Variants in GPC3 observed in about 807,000 individuals in gnomAD.
GPC3 encodes the protein glypican 3, also known as glypican-3.
Under a neutral mutation model 34.4 loss-of-function variants are expected in GPC3, and 3 were observed. That is an observed-to-expected ratio of 0.09 (90% CI 0.04 to 0.23). The LOEUF (loss-of-function observed/expected upper bound fraction) is 0.23, where lower values mean the gene tolerates loss of function less well. GPC3 is among the 10% of genes least tolerant of loss of function. The pLI is 1.00. For synonymous variants in GPC3, 177 were observed against 174.0 expected, an observed-to-expected ratio of 1.02 and a Z score of -0.13; for missense variants, 351 against 445.6, an observed-to-expected ratio of 0.79 and a Z score of 1.91.
At chrX:133,653,624 C>T (rs1379485265) in intron 6 of GPC3, among the ~76,000 whole-genome samples, 2 of 111,593 alleles carry the variant, frequency 1.8e-5, no homozygotes, top group Non-Finnish European at 3.8e-5. Context: ...GCAGAGACCT[C>T]CCCACCCGGT....
intron 2 of GPC3, among the ~76,000 whole-genome samples, chrX:133,884,454 T>G (rs2124585132): frequency 8.9e-6 from 1 of 111,881 alleles, no homozygotes; most frequent in South Asian, 3.7e-4. Context: ...GGTGGTAATA[T>G]TAACTTGTCA....
At chrX:133,868,957 A>G in intron 2 of GPC3, among the ~76,000 whole-genome samples, 1 of 112,344 alleles carries the variant, frequency 8.9e-6, no homozygotes, top group Non-Finnish European at 1.9e-5. Flanking sequence ...AAGGGAACAG[A>G]CAAGGTTTAA....
chrX:133,788,096 A>ATATATATT (rs2072122177), intron 2 of GPC3, among the ~76,000 whole-genome samples: 1 of 79,896 alleles, frequency 1.3e-5, no homozygotes, highest in South Asian at 6.1e-4. Context: ...TTTTATATAT[A>ATATATATT]TATATATATA....
chrX:133,610,475 T>C (rs911966041), intron 6 of GPC3, among the ~76,000 whole-genome samples: 1 of 110,885 alleles, frequency 9.0e-6, no homozygotes, highest in Non-Finnish European at 1.9e-5. Flanking sequence ...AGTTCTAACG[T>C]GGGCTTCTCC....
intron 7 of GPC3, among the ~76,000 whole-genome samples, chrX:133,552,316 C>T (rs948616095): frequency 8.9e-6 from 1 of 112,142 alleles, no homozygotes; most frequent in Non-Finnish European, 1.9e-5. Context: ...GTGACCTTTG[C>T]TTTGACACAG....
chrX:133,655,484 A>C (rs946484642), intron 6 of GPC3, among the ~76,000 whole-genome samples: 5 of 107,645 alleles, frequency 4.6e-5, no homozygotes, highest in Middle Eastern at 4.8e-3. Flanking sequence ...ACCCACACAC[A>C]CACACACACA....
intron 2 of GPC3, among the ~76,000 whole-genome samples, chrX:133,922,419 G>A (rs2076253668): frequency 9.0e-6 from 1 of 111,532 alleles, no homozygotes; most frequent in African/African-American, 3.3e-5. Context: ...AAGTCCTTGG[G>A]CCTTTGGGAA....
At chrX:133,966,536 C>T (rs1388310957) in intron 1 of GPC3, among the ~76,000 whole-genome samples, 3 of 112,072 alleles carry the variant, frequency 2.7e-5, no homozygotes, top group Non-Finnish European at 1.9e-5. Context: ...ACATTCTCGG[C>T]CACTGTAAAT....
intron 1 of GPC3, among the ~76,000 whole-genome samples, chrX:133,975,208 T>C (rs928632041): frequency 8.9e-6 from 1 of 111,923 alleles, no homozygotes; most frequent in Non-Finnish European, 1.9e-5. Flanking sequence ...TCTCCAGTCA[T>C]CCTCCAACTG....
At chrX:133,899,608 T>C (rs2076135166) in intron 2 of GPC3, among the ~76,000 whole-genome samples, 1 of 111,038 alleles carries the variant, frequency 9.0e-6, no homozygotes, top group South Asian at 3.9e-4. Context: ...CATTATTGTA[T>C]GTAAACTCTG....
intron 7 of GPC3, among the ~76,000 whole-genome samples, chrX:133,570,305 G>A (rs2069616531): frequency 9.0e-6 from 1 of 110,602 alleles, no homozygotes. Flanking sequence ...AGGTTCAAGC[G>A]AGTCTCCTGC....
At chrX:133,709,453 C>T (rs1199080951) in intron 3 of GPC3, among the ~76,000 whole-genome samples, 1 of 111,629 alleles carries the variant, frequency 9.0e-6, no homozygotes, top group Non-Finnish European at 1.9e-5. Context: ...TCTCTTGAAT[C>T]ATCTATCATA....
At chrX:133,920,004 T>TA (rs3216449) in intron 2 of GPC3, among the ~76,000 whole-genome samples, 57 of 102,266 alleles carry the variant, frequency 5.6e-4, no homozygotes, top group Middle Eastern at 4.9e-3. Context: ...TACTAAAAAT[T>TA]AAAAAAAAAA....
intron 2 of GPC3, among the ~76,000 whole-genome samples, chrX:133,829,266 T>G (rs1219257457): frequency 8.9e-6 from 1 of 112,141 alleles, no homozygotes; most frequent in African/African-American, 3.2e-5. Flanking sequence ...ATCAAAAAGA[T>G]ATAACAATTA....
intron 2 of GPC3, among the ~76,000 whole-genome samples, chrX:133,872,580 C>A (rs747826427): frequency 1.8e-5 from 2 of 111,259 alleles, no homozygotes; most frequent in African/African-American, 6.5e-5. Context: ...TTTGGTGGAA[C>A]CTTGAGAGGG....
intron 2 of GPC3, among the ~76,000 whole-genome samples, chrX:133,867,516 C>T (rs1254800263): frequency 9.1e-6 from 1 of 109,833 alleles, no homozygotes; most frequent in Non-Finnish European, 1.9e-5. Flanking sequence ...ATTCATCCCA[C>T]CTAGATATGC....
intron 2 of GPC3, among the ~76,000 whole-genome samples, chrX:133,783,547 C>T (rs1257162965): frequency 8.9e-6 from 1 of 112,169 alleles, no homozygotes; most frequent in East Asian, 2.8e-4. Flanking sequence ...TTTTGCTTTC[C>T]CCCTAGCTAG....
chrX:133,878,981 T>A, intron 2 of GPC3, among the ~76,000 whole-genome samples: 1 of 111,480 alleles, frequency 9.0e-6, no homozygotes, highest in Non-Finnish European at 1.9e-5. Context: ...ACTGTACAAG[T>A]CGAATGTCTG....
intron 2 of GPC3, among the ~76,000 whole-genome samples, chrX:133,944,934 T>C (rs935689012): frequency 1.8e-5 from 2 of 111,147 alleles, no homozygotes; most frequent in African/African-American, 3.3e-5. Context: ...AAGGGCAAAA[T>C]TGGGACTTAG....
Sources: allele counts gnomAD v4.1 joint callset (sites outside exome capture counted in the v4.1 genomes callset), GRCh38; gene constraint gnomAD v4.1.1; transcripts MANE v1.5; gene names NCBI Gene and HGNC (gene_info 2026-07-23, HGNC 2026-07-21).